Variants in HS3ST4 observed in about 807,000 individuals in gnomAD.
HS3ST4 encodes heparan sulfate glucosamine 3-O-sulfotransferase 4.
HS3ST4 carries 17 observed loss-of-function variants against 29.2 expected under a neutral mutation model. The observed-to-expected ratio is 0.58, with a 90% CI of 0.40 to 0.87. HS3ST4 has a LOEUF of 0.87. Ranked by LOEUF, HS3ST4 falls within the 40% of genes least tolerant of loss-of-function variation. The pLI is 0.00. For missense variants in HS3ST4, 627 were observed against 634.5 expected (o/e 0.99, Z 0.13); for synonymous variants, 314 against 285.7 (o/e 1.10, Z -1.00).
At chr16:25,999,897 T>TTATA (rs1555477423) in intron 1 of HS3ST4, among the ~76,000 whole-genome samples, 19 of 131,858 alleles carry the variant, frequency 1.4e-4, no homozygotes, top group African/African-American at 4.8e-4. Context: ...TATATATATT[T>TTATA]TATATATATA....
intron 1 of HS3ST4, among the ~76,000 whole-genome samples, chr16:25,905,113 C>A (rs931708518): frequency 6.6e-6 from 1 of 151,986 alleles, no homozygotes; most frequent in Non-Finnish European, 1.5e-5. Context: ...GCAAGACCAC[C>A]CTGCCTCATA....
rs539425765 is a variant in HS3ST4, at chr16:25,873,354, C to G, written c.734+180203C>G. On this transcript the variant is annotated intron_variant, in intron 1 of 1. Coordinates refer to ENST00000331351, the MANE Select transcript of HS3ST4 (RefSeq NM_006040.3). The stretch of plus-strand genomic sequence containing the variant: ...TCCTTCCTTTCATCCATCTATCCAT[C>G]CATCCACCTAGCAAGCCATCCAGTC... Among the ~76,000 whole-genome samples, 146 of 147,372 alleles carry G rather than the reference C, an allele frequency of 9.9e-4. 1 individual carries two copies. The highest frequency in any genetic ancestry group is 3.5e-3 in the African/African-American group (141 of 40,284).
intron 1 of HS3ST4, among the ~76,000 whole-genome samples, chr16:26,009,821 C>T (rs1267045211): frequency 6.6e-6 from 1 of 152,210 alleles, no homozygotes; most frequent in Non-Finnish European, 1.5e-5. Flanking sequence ...GTACAATTAT[C>T]CTATGTTGCA....
intron 1 of HS3ST4, among the ~76,000 whole-genome samples, chr16:26,020,092 G>A (rs926084744): frequency 6.6e-6 from 1 of 152,106 alleles, no homozygotes; most frequent in African/African-American, 2.4e-5. Flanking sequence ...CACCTGTCTT[G>A]CCTTCCAAAG....
intron 1 of HS3ST4, among the ~76,000 whole-genome samples, chr16:25,925,651 A>G (rs1596616014): frequency 6.6e-6 from 1 of 151,790 alleles, no homozygotes; most frequent in East Asian, 1.9e-4. Flanking sequence ...TAAACACTTC[A>G]CTCCACTCTC....
intron 1 of HS3ST4, among the ~76,000 whole-genome samples, chr16:25,733,682 C>G (rs2141594678): frequency 6.6e-6 from 1 of 152,174 alleles, no homozygotes; most frequent in African/African-American, 2.4e-5. Flanking sequence ...CTGTATGAAT[C>G]TGGGGGGCGG....
intron 1 of HS3ST4, among the ~76,000 whole-genome samples, chr16:25,953,733 C>G (rs959187609): frequency 4.6e-5 from 7 of 152,120 alleles, no homozygotes; most frequent in African/African-American, 1.7e-4. Context: ...CTGGTAAGGT[C>G]AGGAGTGAGA....
chr16:26,111,601 A>G (rs960861108), intron 1 of HS3ST4, among the ~76,000 whole-genome samples: 4 of 152,138 alleles, frequency 2.6e-5, no homozygotes, highest in African/African-American at 9.7e-5. Context: ...GCCACAGGGA[A>G]CTTTTCCATT....
At chr16:25,813,164 C>T (rs891898487) in intron 1 of HS3ST4, among the ~76,000 whole-genome samples, 8 of 152,092 alleles carry the variant, frequency 5.3e-5, no homozygotes, top group Admixed American at 3.9e-4. Context: ...AGAAAGTCTA[C>T]GAATGGCTAA....
chr16:25,878,515 A>G (rs1490652909), intron 1 of HS3ST4, among the ~76,000 whole-genome samples: 1 of 152,140 alleles, frequency 6.6e-6, no homozygotes, highest in Non-Finnish European at 1.5e-5. Context: ...TTCAACTAAC[A>G]CAACCAAAAA....
chr16:25,758,281 T>C (rs1966769363), intron 1 of HS3ST4, among the ~76,000 whole-genome samples: 1 of 152,232 alleles, frequency 6.6e-6, no homozygotes, highest in Non-Finnish European at 1.5e-5. Flanking sequence ...TCATTGATTG[T>C]CTTTTTAGCT....
intron 1 of HS3ST4, among the ~76,000 whole-genome samples, chr16:26,097,108 T>A (rs1189693067): frequency 6.6e-6 from 1 of 152,126 alleles, no homozygotes; most frequent in Non-Finnish European, 1.5e-5. Context: ...GGAAGAACAT[T>A]CCATGCTCAT....
intron 1 of HS3ST4, among the ~76,000 whole-genome samples, chr16:26,019,479 A>C (rs748403013): frequency 2.6e-5 from 4 of 152,052 alleles, no homozygotes; most frequent in Non-Finnish European, 5.9e-5. Context: ...TCATTTTTCT[A>C]TAGGGTGCCT....
At chr16:25,802,122 A>G (rs1488720507) in intron 1 of HS3ST4, among the ~76,000 whole-genome samples, 2 of 152,118 alleles carry the variant, frequency 1.3e-5, no homozygotes, top group Non-Finnish European at 1.5e-5. Context: ...AGCAAATAAC[A>G]TATTAAAAAT....
At chr16:25,937,686 G>T (rs1489307892) in intron 1 of HS3ST4, among the ~76,000 whole-genome samples, 1 of 152,160 alleles carries the variant, frequency 6.6e-6, no homozygotes, top group East Asian at 1.9e-4. Flanking sequence ...CATGTTGCCT[G>T]GTTGACAATG....
intron 1 of HS3ST4, among the ~76,000 whole-genome samples, chr16:25,848,164 A>T (rs1360057539): frequency 6.6e-6 from 1 of 151,974 alleles, no homozygotes; most frequent in Non-Finnish European, 1.5e-5. Context: ...TTTGAGACAG[A>T]GTCTTGCTCT....
At chr16:25,761,528 A>G (rs947990460) in intron 1 of HS3ST4, among the ~76,000 whole-genome samples, 4 of 152,230 alleles carry the variant, frequency 2.6e-5, no homozygotes, top group African/African-American at 7.2e-5. Context: ...GAGGTTTGGC[A>G]TCTCCATCAG....
At chr16:26,034,082 TGA>T (rs1187140022) in intron 1 of HS3ST4, among the ~76,000 whole-genome samples, 1 of 152,132 alleles carries the variant, frequency 6.6e-6, no homozygotes, top group Non-Finnish European at 1.5e-5. Context: ...CTGCAATAAA[TGA>T]GAGAGTCTCA....
chr16:25,861,810 G>GT (rs1967640355), intron 1 of HS3ST4, among the ~76,000 whole-genome samples: 1 of 152,092 alleles, frequency 6.6e-6, no homozygotes, highest in Non-Finnish European at 1.5e-5. Context: ...AGTTTTGTTA[G>GT]TTTTTGAAAT....
Sources: gnomAD v4.1 joint callset for allele counts (sites outside exome capture counted in the v4.1 genomes callset) on GRCh38, gnomAD v4.1.1 for gene constraint, MANE v1.5 for transcripts, NCBI Gene and HGNC (gene_info 2026-07-23, HGNC 2026-07-21) for gene names.